EYS: variants seen among roughly 807,000 people sequenced by gnomAD.
EYS encodes the protein protein eyes shut homolog.
EYS carries 250 observed loss-of-function variants against 282.1 expected under a neutral mutation model. The observed-to-expected ratio is 0.89, with a 90% CI of 0.80 to 0.98. EYS has a LOEUF of 0.98. Among genes scored for constraint, EYS ranks in the 50% least tolerant of loss-of-function variants. The pLI is 0.00. For synonymous variants in EYS, 1,355 were observed against 1,282.9 expected, an observed-to-expected ratio of 1.06 and a Z score of -1.20; for missense variants, 4,016 against 3,709.0, an observed-to-expected ratio of 1.08 and a Z score of -2.15.
chr6:64,955,469 G>T (rs1215874782), intron 14 of EYS, among the ~76,000 whole-genome samples: 1 of 152,120 alleles, frequency 6.6e-6, no homozygotes, highest in South Asian at 2.1e-4. Flanking sequence ...GAGGCAGTGC[G>T]CATGGAAACA....
intron 12 of EYS, among the ~76,000 whole-genome samples, chr6:65,180,123 G>A (rs1025578216): frequency 8.6e-5 from 13 of 151,910 alleles, no homozygotes; most frequent in Admixed American, 2.0e-4. Context: ...AAAACTGGAA[G>A]CATTCCCTTT....
At chr6:64,228,447 A>C (rs1766316387) in intron 31 of EYS, among the ~76,000 whole-genome samples, 1 of 152,144 alleles carries the variant, frequency 6.6e-6, no homozygotes, top group Non-Finnish European at 1.5e-5. Context: ...CATGTGCCTC[A>C]GTATTAATGA....
intron 35 of EYS, among the ~76,000 whole-genome samples, chr6:63,940,426 A>G (rs1562106153): frequency 6.6e-6 from 1 of 152,212 alleles, no homozygotes; most frequent in East Asian, 1.9e-4. Context: ...TTGAAAATTC[A>G]GCTTTTATGT....
chr6:63,892,750 A>G (rs1029388777), intron 35 of EYS, among the ~76,000 whole-genome samples: 1 of 152,186 alleles, frequency 6.6e-6, no homozygotes, highest in Non-Finnish European at 1.5e-5. Flanking sequence ...TAAACTAAAG[A>G]GCTTCTGTAC....
intron 26 of EYS, among the ~76,000 whole-genome samples, chr6:64,589,479 C>G (rs902039407): frequency 1.3e-5 from 2 of 152,032 alleles, no homozygotes; most frequent in Non-Finnish European, 2.9e-5. Flanking sequence ...AAAATCTTAT[C>G]TTTCTGGTAA....
chr6:65,684,890 C>T (rs1347278714), intron 1 of EYS, among the ~76,000 whole-genome samples: 2 of 151,884 alleles, frequency 1.3e-5, no homozygotes, highest in Admixed American at 6.6e-5. Context: ...CCTCCCACCT[C>T]CCATCCTCCA....
intron 26 of EYS, among the ~76,000 whole-genome samples, chr6:64,574,682 T>C (rs547505876): frequency 6.6e-6 from 1 of 152,304 alleles, no homozygotes; most frequent in African/African-American, 2.4e-5. Context: ...TATATTCATT[T>C]CTTATGTTTT....
chr6:65,431,629 T>C (rs866051383), intron 5 of EYS, among the ~76,000 whole-genome samples: 1 of 152,124 alleles, frequency 6.6e-6, no homozygotes. Context: ...GGTGGAAATA[T>C]TATGTGTTGG....
chr6:63,756,691 G>A (rs907788450), intron 41 of EYS, among the ~76,000 whole-genome samples: 1 of 152,130 alleles, frequency 6.6e-6, no homozygotes, highest in African/African-American at 2.4e-5. Flanking sequence ...CGGAGGGACT[G>A]GCTGGAGCCA....
At chr6:64,335,495 T>C (rs941097846) in intron 29 of EYS, among the ~76,000 whole-genome samples, 1 of 152,130 alleles carries the variant, frequency 6.6e-6, no homozygotes, top group African/African-American at 2.4e-5. Flanking sequence ...TTCTTGCTTC[T>C]GTAACTCGCT....
intron 35 of EYS, among the ~76,000 whole-genome samples, chr6:63,934,005 C>T (rs760082643): frequency 6.6e-6 from 1 of 152,132 alleles, no homozygotes; most frequent in Non-Finnish European, 1.5e-5. Context: ...ATCTACTCAT[C>T]TGACAAAGGG....
At chr6:64,559,471 A>G (rs1765333170) in intron 26 of EYS, among the ~76,000 whole-genome samples, 1 of 152,070 alleles carries the variant, frequency 6.6e-6, no homozygotes, top group South Asian at 2.1e-4. Context: ...TTGCAATGTC[A>G]ATTATTTATT....
chr6:63,894,756 T>A (rs1581945883), intron 35 of EYS, among the ~76,000 whole-genome samples: 3 of 151,858 alleles, frequency 2.0e-5, no homozygotes, highest in South Asian at 4.2e-4. Flanking sequence ...TGATTTTTTT[T>A]ATTATTATTT....
intron 2 of EYS, among the ~76,000 whole-genome samples, chr6:65,528,662 C>T (rs1767656543): frequency 6.6e-6 from 1 of 152,088 alleles, no homozygotes; most frequent in Non-Finnish European, 1.5e-5. Context: ...AACTATGAGC[C>T]AATATATTTC....
chr6:64,190,426 C>T (rs1765067950), intron 31 of EYS, among the ~76,000 whole-genome samples: 2 of 152,072 alleles, frequency 1.3e-5, no homozygotes, highest in Non-Finnish European at 2.9e-5. Context: ...GGATGTAGCA[C>T]AGTATGGTGT....
intron 37 of EYS, among the ~76,000 whole-genome samples, chr6:63,800,833 T>C (rs1770766702): frequency 6.6e-6 from 1 of 151,860 alleles, no homozygotes; most frequent in Non-Finnish European, 1.5e-5. Context: ...TCTGGAAGAG[T>C]TAAAGACTCA....
chr6:64,414,065 A>G (rs1434547688), intron 28 of EYS, among the ~76,000 whole-genome samples: 1 of 152,098 alleles, frequency 6.6e-6, no homozygotes, highest in Non-Finnish European at 1.5e-5. Context: ...AACTGTGACA[A>G]TTCATTTTCT....
chr6:65,329,522 C>T (rs1376816388), intron 11 of EYS: 27 of 982,496 alleles, frequency 2.7e-5, no homozygotes, highest in Non-Finnish European at 3.3e-5. Flanking sequence ...AGACTGGCCC[C>T]AACCCAAAAA....
chr6:63,933,398 G>T (rs1420129931), intron 35 of EYS, among the ~76,000 whole-genome samples: 3 of 151,974 alleles, frequency 2.0e-5, no homozygotes, highest in Non-Finnish European at 4.4e-5. Flanking sequence ...GTAGAGATGG[G>T]GTTTCACCAT....
Sources: allele counts gnomAD v4.1 joint callset (sites outside exome capture counted in the v4.1 genomes callset), GRCh38; gene constraint gnomAD v4.1.1; transcripts MANE v1.5; gene names NCBI Gene and HGNC (gene_info 2026-07-23, HGNC 2026-07-21).